Variants in TNPO3 observed in about 807,000 individuals in gnomAD.
TNPO3 encodes transportin 3.
TNPO3 carries 65 observed loss-of-function variants against 122.8 expected under a neutral mutation model. The observed-to-expected ratio is 0.53, with a 90% CI of 0.43 to 0.65. The LOEUF is 0.65. TNPO3 is among the 30% of genes least tolerant of loss of function. TNPO3 has a pLI of 0.00. For missense variants in TNPO3, 850 were observed against 1,136.7 expected, an observed-to-expected ratio of 0.75 and a Z score of 3.63; for synonymous variants, 372 against 411.2, an observed-to-expected ratio of 0.90 and a Z score of 1.15.
At chr7:129,029,628 T>A (rs756346646) in intron 1 of TNPO3, 1 of 152,088 alleles carries the variant, frequency 6.6e-6, no homozygotes, top group Non-Finnish European at 1.5e-5. Context: ...CAACCCAGCA[T>A]CAGACAAGTA....
At chr7:129,039,564 A>AAAAT (rs925328096) in intron 1 of TNPO3, among the ~76,000 whole-genome samples, 1 of 152,160 alleles carries the variant, frequency 6.6e-6, no homozygotes, top group Admixed American at 6.5e-5. Flanking sequence ...TGTCTAAAAA[A>AAAAT]AAATAAATAA....
chr7:128,970,100 A>G (rs751893112), intron 20 of TNPO3, 48 bp downstream of exon 20: 2 of 1,611,578 alleles, frequency 1.2e-6, no homozygotes, highest in Admixed American at 3.3e-5. Flanking sequence ...ACCAAAGCCT[A>G]TTACATTTAG....
intron 21 of TNPO3, among the ~76,000 whole-genome samples, chr7:128,962,371 CAAAAAA>C (rs11287209): frequency 9.8e-6 from 1 of 102,246 alleles, no homozygotes; most frequent in African/African-American, 3.8e-5. Flanking sequence ...GACTCCGTCT[CAAAAAA>C]AAAAAAAAAA....
chr7:129,028,764 T>C, intron 1 of TNPO3: 2 of 248,544 alleles, frequency 8.0e-6, no homozygotes, highest in South Asian at 8.5e-5. Flanking sequence ...CCACTGCTGC[T>C]CTGAGGGCAC....
intron 4 of TNPO3, among the ~76,000 whole-genome samples, chr7:129,008,345 C>T (rs139293975): frequency 1.1e-4 from 16 of 151,956 alleles, no homozygotes; most frequent in African/African-American, 3.1e-4. Flanking sequence ...AGTTAAGACC[C>T]TGTCTCTACA....
chr7:129,024,962 C>T (rs566769228), intron 1 of TNPO3, among the ~76,000 whole-genome samples: 28 of 151,638 alleles, frequency 1.8e-4, no homozygotes, highest in Admixed American at 1.4e-3. Context: ...GACCACACTA[C>T]GCACTCCAGC....
chr7:128,987,744 AT>A (rs1457691211), intron 11 of TNPO3, among the ~76,000 whole-genome samples: 1 of 151,878 alleles, frequency 6.6e-6, no homozygotes, highest in African/African-American at 2.4e-5. Flanking sequence ...AGCCCAGCTA[AT>A]TTTTGTATTT....
rs546432226 is a variant in TNPO3 at position 128,974,226 on chromosome 7, A to G, written c.2273+642T>C. Among the ~76,000 whole-genome samples, 63 of 151,678 alleles carry G rather than the reference A, an allele frequency of 4.2e-4. No homozygotes were observed. The Middle Eastern group carries it at 0.027, about 66-fold the overall frequency. ...CCTAAGATGAAACAATCAAGTCAAC[A>G]TTACTTTGCATTTGTAAATGATATA... On this transcript the variant is annotated intron_variant, in intron 18 of 22. Coordinates refer to ENST00000265388, the MANE Select transcript of TNPO3 (RefSeq NM_012470.4).
At chr7:128,992,660 G>C (rs537964852) in intron 9 of TNPO3, among the ~76,000 whole-genome samples, 60 of 152,080 alleles carry the variant, frequency 3.9e-4, no homozygotes, top group Non-Finnish European at 7.5e-4. Flanking sequence ...TCCACCTACA[G>C]AATGTGACTA....
intron 18 of TNPO3, among the ~76,000 whole-genome samples, chr7:128,972,783 A>G (rs1246116716): frequency 6.6e-6 from 1 of 152,194 alleles, no homozygotes; most frequent in East Asian, 1.9e-4. Flanking sequence ...CAGTGGATAC[A>G]TGTCATTACA....
At chr7:128,970,116 A>G (rs1271499508) in intron 20 of TNPO3, 32 bp downstream of exon 20, 3 of 1,613,618 alleles carry the variant, frequency 1.9e-6, no homozygotes, top group Non-Finnish European at 2.5e-6. Flanking sequence ...TTTAGGGACT[A>G]TGAGATAAAT....
At chr7:128,994,974 T>A (rs905949692) in intron 8 of TNPO3, among the ~76,000 whole-genome samples, 1 of 152,026 alleles carries the variant, frequency 6.6e-6, no homozygotes, top group Non-Finnish European at 1.5e-5. Flanking sequence ...ATTTTTAAAA[T>A]TTTTTTATAG....
intron 4 of TNPO3, among the ~76,000 whole-genome samples, chr7:129,007,571 GT>G (rs2150400345): frequency 6.6e-6 from 1 of 152,312 alleles, no homozygotes; most frequent in African/African-American, 2.4e-5. Context: ...TATTTTACTA[GT>G]TTTAAGCATG....
At chr7:129,003,060 AAAAAT>A (rs1319492236) in intron 5 of TNPO3, among the ~76,000 whole-genome samples, 1 of 145,872 alleles carries the variant, frequency 6.9e-6, no homozygotes, top group Non-Finnish European at 1.5e-5. Flanking sequence ...AAAAAAAAAA[AAAAAT>A]ACAAAAAATT....
intron 18 of TNPO3, among the ~76,000 whole-genome samples, chr7:128,973,568 C>G (rs71581947): frequency 6.6e-6 from 1 of 151,032 alleles, no homozygotes; most frequent in South Asian, 2.1e-4. Context: ...AACCCCGTCT[C>G]TACTAAAAAT....
chr7:129,001,014 A>G (rs774136817), intron 6 of TNPO3, 45 bp downstream of exon 6: 1 of 1,591,492 alleles, frequency 6.3e-7, no homozygotes, highest in Non-Finnish European at 8.6e-7. Flanking sequence ...AAGAATGACC[A>G]GACTGTAGGT....
intron 20 of TNPO3, among the ~76,000 whole-genome samples, chr7:128,967,993 A>G (rs1210499512): frequency 1.3e-5 from 2 of 152,172 alleles, no homozygotes; most frequent in Non-Finnish European, 2.9e-5. Flanking sequence ...CCTGGGCTCA[A>G]GAGATCCTCC....
At chr7:129,008,220 T>C (rs889234475) in intron 4 of TNPO3, among the ~76,000 whole-genome samples, 9 of 150,396 alleles carry the variant, frequency 6.0e-5, no homozygotes, top group African/African-American at 2.2e-4. Flanking sequence ...AAAGTATTTG[T>C]AAAAAGTCAT....
At position 129,043,816 on chromosome 7, in the gene TNPO3, C is replaced by A. The variant is rs538099697; in HGVS notation, c.120+10835G>T. Among the ~76,000 whole-genome samples the A allele has an allele frequency of 2.6e-5, 4 of 152,334 alleles. No homozygotes were observed. The South Asian group carries it at 6.2e-4, about 24-fold the overall frequency. On this transcript the variant is annotated intron_variant, in intron 1 of 22. Coordinates refer to ENST00000265388, the MANE Select transcript of TNPO3 (RefSeq NM_012470.4). Reference sequence around the variant, plus strand: ...GTGGGCCTTATTTATACTAGGCAGTCTTGCTTTAAAAATAGAAAATGCCAA... The same window carrying A: ...GTGGGCCTTATTTATACTAGGCAGTATTGCTTTAAAAATAGAAAATGCCAA...
Sources: allele counts gnomAD v4.1 joint callset (sites outside exome capture counted in the v4.1 genomes callset), GRCh38; gene constraint gnomAD v4.1.1; transcripts MANE v1.5; gene names NCBI Gene and HGNC (gene_info 2026-07-23, HGNC 2026-07-21).